The following DNAH5 variants were observed in gnomAD, a reference collection of about 807,000 sequenced individuals.
DNAH5 encodes the protein dynein axonemal heavy chain 5, also known as axonemal beta dynein heavy chain 5.
DNAH5 carries 372 observed loss-of-function variants against 518.2 expected under a neutral mutation model. The ratio of observed to expected loss-of-function variants is 0.72; its 90% CI spans 0.66 to 0.78. The LOEUF (loss-of-function observed/expected upper bound fraction) is 0.78, where lower values mean the gene tolerates loss of function less well. Ranked by LOEUF, DNAH5 falls within the 30% of genes least tolerant of loss-of-function variation. The pLI, the probability that DNAH5 is intolerant of heterozygous loss-of-function variation, is 0.00. For synonymous variants in DNAH5, 2,039 were observed against 2,025.9 expected, an observed-to-expected ratio of 1.01 and a Z score of -0.17; for missense variants, 5,523 against 5,687.0, an observed-to-expected ratio of 0.97 and a Z score of 0.93.
chr5:13,916,544 G>C, intron 8 of DNAH5, 89 bp from the exon 9 acceptor site: 1 of 650,634 alleles, frequency 1.5e-6, no homozygotes, highest in African/African-American at 1.8e-5. Context: ...TTAAAATAAA[G>C]TTTAAGAGCT....
At chr5:13,930,958 G>A (rs1778355572) in intron 2 of DNAH5, 152 bp downstream of exon 2, 2 of 1,129,088 alleles carry the variant, frequency 1.8e-6, no homozygotes, top group Admixed American at 3.8e-5. Flanking sequence ...AGCTCATTCT[G>A]CAAGCACCAG....
intron 1 of DNAH5, among the ~76,000 whole-genome samples, chr5:13,938,863 T>G (rs1779204591): frequency 6.6e-6 from 1 of 152,230 alleles, no homozygotes. Flanking sequence ...TAACTTCACT[T>G]TATTTCATCT....
chr5:13,886,135 C>CAAAAA lies in DNAH5; in HGVS notation c.2578-11_2578-7dup, dbSNP rs71600031. On this transcript the variant is annotated splice_polypyrimidine_tract_variant and splice_region_variant and intron_variant, in intron 17 of 78. Transcript: ENST00000265104. ...GCACCATTTACACAAAGATCCTAAC[C>CAAAAA]AAAAAAAAAAAAAAAAAAAGATAGC... 78 of 1,342,294 alleles carry CAAAAA rather than the reference C, an allele frequency of 5.8e-5. 1 individual carries two copies. The highest frequency in any genetic ancestry group is 3.8e-4 in the Admixed American group (15 of 39,460). 83.1% of individuals were successfully genotyped at this position (1,342,294 alleles called of 1,614,324 possible). A position where few individuals can be genotyped will look rare whatever the true frequency, so the allele number is the denominator to read the frequency against.
At chr5:13,956,259 T>C (rs1393202930) in intron 1 of DNAH5, among the ~76,000 whole-genome samples, 1 of 152,190 alleles carries the variant, frequency 6.6e-6, no homozygotes, top group Non-Finnish European at 1.5e-5. Flanking sequence ...ATTTTAGAAA[T>C]AAACTTTATG....
chr5:13,944,481 G>C lies in DNAH5; in HGVS notation c.-43C>G, dbSNP rs1162593968. 1 of 1,586,230 alleles carries C rather than the reference G, an allele frequency of 6.3e-7. No homozygotes were observed. The highest frequency in any genetic ancestry group is 1.3e-5 in the African/African-American group (1 of 74,450). The stretch of plus-strand genomic sequence containing the variant: ...AGGCTGGAGTCAGCTCTTCCGGAAT[G>C]GTCTTCTAACTCCTGGCAGACCTGC... On this transcript the variant is annotated 5_prime_UTR_variant, in exon 1 of 79. Coordinates refer to ENST00000265104, the MANE Select transcript of DNAH5 (RefSeq NM_001369.3).
intron 75 of DNAH5, among the ~76,000 whole-genome samples, chr5:13,711,358 G>A (rs1743450081): frequency 6.6e-6 from 1 of 152,028 alleles, no homozygotes; most frequent in Admixed American, 6.6e-5. Flanking sequence ...GGCATACAAG[G>A]GATATACCTC....
At chr5:13,947,969 C>T (rs1054301682), upstream of DNAH5, among the ~76,000 whole-genome samples, 3 of 152,208 alleles carry the variant, frequency 2.0e-5, no homozygotes, top group Non-Finnish European at 4.4e-5. Context: ...CTTATAATTG[C>T]TGTTGGCCAG....
rs1027930816 is a variant in DNAH5, at chr5:13,705,346, C to T, written c.13338+2777G>A. ...GAGAGTGGCTTTTAGGCCTGAACCACAAGAAAATGTTAATTAAGTATGTGA... is the reference window on the plus strand; with the variant it reads ...GAGAGTGGCTTTTAGGCCTGAACCATAAGAAAATGTTAATTAAGTATGTGA... On this transcript the variant is annotated intron_variant, in intron 76 of 78. Coordinates refer to ENST00000265104, the MANE Select transcript of DNAH5 (RefSeq NM_001369.3). Among the ~76,000 whole-genome samples the T allele has an allele frequency of 3.3e-5, 5 of 152,150 alleles. No individual in the cohort carries two copies. The South Asian group carries it at 1.0e-3, about 31-fold the overall frequency.
chr5:13,887,940 A>G (rs2151945264), intron 17 of DNAH5, among the ~76,000 whole-genome samples: 1 of 151,836 alleles, frequency 6.6e-6, no homozygotes, highest in East Asian at 1.9e-4. Context: ...GACTATAGCC[A>G]CCTCCCTCTA....
intron 56 of DNAH5, 147 bp from the exon 57 acceptor site, chr5:13,769,762 G>T: frequency 2.8e-6 from 2 of 717,308 alleles, no homozygotes; most frequent in South Asian, 1.5e-5. Context: ...TAGCAAAAAG[G>T]ATACAGATCC....
Position 13,871,487 on chromosome 5 carries a change from C to A in DNAH5, c.3598+77G>T, listed in dbSNP as rs1217017241. ...CAATCTTTAAGACAGGTAGAACTCT[C>A]TGGAATACAAATCTAGGTAAAGAGG... On this transcript the variant is annotated intron_variant, in intron 23 of 78. Transcript: ENST00000265104. 3.9e-6 allele frequency: 5 copies of A among 1,271,592 alleles called. No homozygotes were observed. The African/African-American group carries it at 7.4e-5, about 19-fold the overall frequency. The allele number at this position is 1,271,592 out of a possible 1,614,324, so 78.8% of individuals were successfully genotyped here.
chr5:13,837,078 A>G (rs1015664667), intron 35 of DNAH5, among the ~76,000 whole-genome samples: 2 of 152,174 alleles, frequency 1.3e-5, no homozygotes, highest in Admixed American at 1.3e-4. Context: ...GGGAAACAGA[A>G]CTCAGTCTCT....
intron 68 of DNAH5, among the ~76,000 whole-genome samples, chr5:13,732,534 T>A (rs1489582906): frequency 6.6e-5 from 10 of 151,390 alleles, no homozygotes; most frequent in Non-Finnish European, 4.4e-5. Flanking sequence ...TCCTGGCTAA[T>A]TTTTTTTGTA....
chr5:13,891,845 G>A (rs1016986930), intron 16 of DNAH5, among the ~76,000 whole-genome samples: 5 of 152,102 alleles, frequency 3.3e-5, no homozygotes, highest in African/African-American at 1.2e-4. Flanking sequence ...TGGATGCAAA[G>A]GCCAACTCTG....
chr5:13,897,739 T>G (rs1453193617), intron 15 of DNAH5: 1 of 152,194 alleles, frequency 6.6e-6, no homozygotes, highest in African/African-American at 2.4e-5. Flanking sequence ...AGATAATAAA[T>G]GTTAATGAGA....
At chr5:13,796,501 A>ATGGACCTCT (rs1757843107) in intron 47 of DNAH5, among the ~76,000 whole-genome samples, 2 of 152,282 alleles carry the variant, frequency 1.3e-5, no homozygotes, top group South Asian at 4.1e-4. Context: ...AAGGGATGTG[A>ATGGACCTCT]TGGACCTCTT....
chr5:13,934,084 A>G (rs1778683705), intron 1 of DNAH5, among the ~76,000 whole-genome samples: 1 of 152,182 alleles, frequency 6.6e-6, no homozygotes, highest in South Asian at 2.1e-4. Context: ...ATCTGAGGGT[A>G]AATGAGATGG....
intron 24 of DNAH5, 28 bp downstream of exon 24, chr5:13,870,739 C>A: frequency 6.3e-7 from 1 of 1,580,228 alleles, no homozygotes; most frequent in Non-Finnish European, 8.7e-7. Context: ...AGAAATATTT[C>A]TATAATGAAC....
At chr5:13,796,002 CTT>C (rs959288605) in intron 47 of DNAH5, among the ~76,000 whole-genome samples, 2 of 152,188 alleles carry the variant, frequency 1.3e-5, no homozygotes, top group African/African-American at 4.8e-5. Context: ...TTCAACAGCT[CTT>C]TATGCTAAAA....
Sources: allele counts gnomAD v4.1 joint callset (sites outside exome capture counted in the v4.1 genomes callset), GRCh38; gene constraint gnomAD v4.1.1; transcripts MANE v1.5; gene names NCBI Gene and HGNC (gene_info 2026-07-23, HGNC 2026-07-21).